Variants in CCDC144A observed in about 807,000 individuals in gnomAD.
CCDC144A encodes the protein coiled-coil domain containing 144A, also known as coiled-coil domain-containing protein 144A.
CCDC144A carries 41 observed loss-of-function variants against 143.8 expected under a neutral mutation model. The observed-to-expected ratio is 0.29, with a 90% CI of 0.22 to 0.37. The LOEUF is 0.37. Among genes scored for constraint, CCDC144A ranks in the 10% least tolerant of loss-of-function variants. The pLI, the probability that CCDC144A is intolerant of heterozygous loss-of-function variation, is 1.00. For missense variants in CCDC144A, 637 were observed against 1,488.8 expected, an observed-to-expected ratio of 0.43 and a Z score of 9.41; for synonymous variants, 242 against 517.9, an observed-to-expected ratio of 0.47 and a Z score of 7.23.
intron 12 of CCDC144A, among the ~76,000 whole-genome samples, chr17:16,757,085 G>A (rs1248536020): frequency 6.6e-6 from 1 of 152,286 alleles, no homozygotes; most frequent in Non-Finnish European, 1.5e-5. Context: ...TGGGTTACCT[G>A]AGTGGTCTGG....
At chr17:16,678,027 T>C in the CCDC144A span, among the ~76,000 whole-genome samples, 1 of 152,060 alleles carries the variant, frequency 6.6e-6, no homozygotes, top group East Asian at 1.9e-4. Flanking sequence ...CACACTCTAC[T>C]CAGAATGAAT....
chr17:16,726,004 A>G (rs1913396200), intron 8 of CCDC144A, among the ~76,000 whole-genome samples: 2 of 152,020 alleles, frequency 1.3e-5, no homozygotes, highest in African/African-American at 4.8e-5. Context: ...GGTGATGTCT[A>G]ATCTGTGTTC....
rs1597562025 is a variant in CCDC144A, at chr17:16,726,308, G to C, written c.1892-1219G>C. On this transcript the variant is annotated intron_variant, in intron 8 of 16. Transcript: ENST00000399273. ...AGGCAGGAGAATGGCGTGAACCCGG[G>C]AGGCGGAGCTTGCAGTGAGCCGAGA... Among the ~76,000 whole-genome samples the C allele has an allele frequency of 2.7e-5, 4 of 150,508 alleles. No individual in the cohort carries two copies. In the East Asian group the frequency reaches 5.9e-4, roughly 22 times the overall value.
rs536587564 is a variant in CCDC144A, at chr17:16,697,599, G to A, written c.415+4550G>A. On this transcript the variant is annotated intron_variant, in intron 2 of 16. Coordinates refer to ENST00000399273, the MANE Select transcript of CCDC144A (RefSeq NM_001382000.1). ...CCATGGTGAAATCAGTAAGGTTAAG[G>A]AGCTCAGTTATTCATTTAAAAATGT... Among the ~76,000 whole-genome samples the A allele has an allele frequency of 7.2e-5, 11 of 152,386 alleles. No homozygotes were observed. In the East Asian group the frequency reaches 2.1e-3, roughly 29 times the overall value.
chr17:16,668,317 A>G, the CCDC144A span, among the ~76,000 whole-genome samples: 1 of 152,150 alleles, frequency 6.6e-6, no homozygotes, highest in African/African-American at 2.4e-5. Flanking sequence ...TTTTTAATTA[A>G]ATATACTTTA....
At chr17:16,745,710 C>A (rs1914467602) in intron 12 of CCDC144A, 1 of 1,614,082 alleles carries the variant, frequency 6.2e-7, no homozygotes, top group Non-Finnish European at 8.5e-7. Context: ...GCCACACTCT[C>A]GCGCTCGGAA....
the CCDC144A span, chr17:16,683,794 C>T: frequency 0.22 from 314,457 of 1,438,332 alleles, 43,051 homozygotes; most frequent in East Asian, 0.51. Flanking sequence ...TGAAGCCGAG[C>T]GTGAAGCCGA....
chr17:16,696,252 T>C (rs917840331), intron 2 of CCDC144A, among the ~76,000 whole-genome samples: 17 of 151,612 alleles, frequency 1.1e-4, no homozygotes, highest in Non-Finnish European at 1.2e-4. Flanking sequence ...TGACCTCAAG[T>C]GATCCACCCA....
intron 1 of CCDC144A, 25 bp downstream of exon 1, chr17:16,690,769 C>G: frequency 1.9e-6 from 3 of 1,573,016 alleles, no homozygotes; most frequent in African/African-American, 1.4e-5. Context: ...AAGGATGCGC[C>G]GTCCTGTCGG....
At chr17:16,763,915 A>G in intron 14 of CCDC144A, 50 bp from the exon 15 acceptor site, 1 of 1,559,834 alleles carries the variant, frequency 6.4e-7, no homozygotes, top group Non-Finnish European at 8.6e-7. Context: ...TTTAGGAATC[A>G]TTTAGGAAAA....
At chr17:16,670,511 T>C in the CCDC144A span, among the ~76,000 whole-genome samples, 2 of 151,360 alleles carry the variant, frequency 1.3e-5, no homozygotes, top group Admixed American at 1.3e-4. Flanking sequence ...CTACTTCATA[T>C]TATTTTATTT....
chr17:16,743,186 C>G (rs1189141360), intron 12 of CCDC144A, among the ~76,000 whole-genome samples: 2 of 152,076 alleles, frequency 1.3e-5, no homozygotes, highest in East Asian at 3.8e-4. Flanking sequence ...AAGCATTTTC[C>G]ATATATTTTC....
intron 12 of CCDC144A, among the ~76,000 whole-genome samples, chr17:16,755,203 A>G (rs2143337972): frequency 6.6e-6 from 1 of 152,162 alleles, no homozygotes; most frequent in Middle Eastern, 3.4e-3. Flanking sequence ...TATATCTTTA[A>G]TTGGGGAATT....
At chr17:16,698,532 A>C (rs2143062176) in intron 2 of CCDC144A, among the ~76,000 whole-genome samples, 1 of 152,298 alleles carries the variant, frequency 6.6e-6, no homozygotes, top group Non-Finnish European at 1.5e-5. Context: ...GAAAATGGTC[A>C]AGACTGGTGA....
chr17:16,755,180 C>T (rs1915018790), intron 12 of CCDC144A, among the ~76,000 whole-genome samples: 1 of 152,030 alleles, frequency 6.6e-6, no homozygotes, highest in Non-Finnish European at 1.5e-5. Flanking sequence ...TTTTGTAATC[C>T]ATTCATTCTA....
chr17:16,671,351 T>C, the CCDC144A span, among the ~76,000 whole-genome samples: 1 of 152,154 alleles, frequency 6.6e-6, no homozygotes, highest in Non-Finnish European at 1.5e-5. Flanking sequence ...ATTTAAATTA[T>C]TCAAATTTTT....
chr17:16,712,139 AAAGC>A (rs1912490442), intron 6 of CCDC144A: 2 of 233,906 alleles, frequency 8.6e-6, no homozygotes, highest in Admixed American at 1.0e-4. Flanking sequence ...TCAAAAAAAA[AAAGC>A]AAAAACAGAA....
chr17:16,677,121 A>G, the CCDC144A span, among the ~76,000 whole-genome samples: 1 of 151,980 alleles, frequency 6.6e-6, no homozygotes, highest in African/African-American at 2.4e-5. Context: ...CTATATCCAC[A>G]TGTCCTCTTC....
In CCDC144A at chr17:16,725,002, A is replaced by ATTTTTTTTTTTTTTTT. The variant is rs1167527388; in HGVS notation, c.1892-2508_1892-2493dup. Among the ~76,000 whole-genome samples the ATTTTTTTTTTTTTTTT allele has an allele frequency of 8.0e-5, 3 of 37,268 alleles. 1 individual carries two copies. The highest frequency in any genetic ancestry group is 1.1e-4 in the Non-Finnish European group (2 of 18,938). 24.4% of individuals were successfully genotyped at this position (37,268 alleles called of 152,430 possible). On this transcript the variant is annotated intron_variant, in intron 8 of 16. Coordinates refer to ENST00000399273, the MANE Select transcript of CCDC144A (RefSeq NM_001382000.1). ...AGGAAATGACTGTTTATAGCTGGTA[A>ATTTTTTTTTTTTTTTT]TTTTTTTTTTTTTTTTTTTTTTTTT... is the stretch of plus-strand genomic sequence containing the variant.
Sources: allele counts gnomAD v4.1 joint callset (sites outside exome capture counted in the v4.1 genomes callset), GRCh38; gene constraint gnomAD v4.1.1; transcripts MANE v1.5; gene names NCBI Gene and HGNC (gene_info 2026-07-23, HGNC 2026-07-21).